LNPK: variants seen among roughly 807,000 people sequenced by gnomAD.
LNPK encodes lunapark, ER junction formation factor.
In LNPK, 29 loss-of-function variants were observed where a neutral mutation model predicts 55.2. That is an observed-to-expected ratio of 0.53 (90% confidence interval 0.39 to 0.72). LNPK has a LOEUF of 0.72. Among genes scored for constraint, LNPK ranks in the 30% least tolerant of loss-of-function variants. The pLI, the probability that LNPK is intolerant of heterozygous loss-of-function variation, is 0.00. For synonymous variants in LNPK, 162 were observed against 168.2 expected, an observed-to-expected ratio of 0.96 and a Z score of 0.29; for missense variants, 467 against 494.8, an observed-to-expected ratio of 0.94 and a Z score of 0.53.
chr2:175,991,029 T>C (rs73978129), intron 4 of LNPK, among the ~76,000 whole-genome samples: 20,495 of 152,192 alleles, frequency 0.13, 1,754 homozygotes, highest in Non-Finnish European at 0.2. Context: ...AAAAAACTGT[T>C]ATGAATCATA....
intron 9 of LNPK, among the ~76,000 whole-genome samples, chr2:175,942,475 A>T (rs904224228): frequency 2.0e-5 from 3 of 152,184 alleles, no homozygotes; most frequent in African/African-American, 7.2e-5. Flanking sequence ...AGATTCACGT[A>T]ACACAATGTA....
At chr2:175,980,221 C>G (rs891624007) in intron 4 of LNPK, among the ~76,000 whole-genome samples, 1 of 152,178 alleles carries the variant, frequency 6.6e-6, no homozygotes, top group Admixed American at 6.5e-5. Context: ...AAGTAAGCAT[C>G]AATTCCAAAA....
intron 6 of LNPK, among the ~76,000 whole-genome samples, chr2:175,967,131 G>A (rs113670476): frequency 0.016 from 2,508 of 152,154 alleles, 66 homozygotes; most frequent in South Asian, 0.074. Flanking sequence ...AAACAAATTC[G>A]TAAACTTTAA....
At chr2:175,968,077 A>G (rs534270918) in intron 6 of LNPK, among the ~76,000 whole-genome samples, 5 of 152,306 alleles carry the variant, frequency 3.3e-5, no homozygotes, top group African/African-American at 1.2e-4. Flanking sequence ...AGAGTGCCAT[A>G]AATGCCCACA....
intron 8 of LNPK, among the ~76,000 whole-genome samples, chr2:175,955,395 T>A (rs979252830): frequency 9.9e-5 from 15 of 152,078 alleles, no homozygotes; most frequent in African/African-American, 3.6e-4. Flanking sequence ...TGATAGTAGA[T>A]CCTCTAGCTC....
chr2:175,930,300 A>G (rs1684212684), intron 12 of LNPK, 101 bp from the exon 13 acceptor site: 2 of 566,284 alleles, frequency 3.5e-6, no homozygotes, highest in African/African-American at 5.2e-5. Context: ...ACACACACAC[A>G]CACACACACA....
At chr2:175,989,452 C>T (rs923301741) in intron 4 of LNPK, among the ~76,000 whole-genome samples, 15 of 151,954 alleles carry the variant, frequency 9.9e-5, no homozygotes, top group Admixed American at 8.5e-4. Context: ...AGTTATAATT[C>T]GTAAAAATAA....
At chr2:175,994,914 A>ATTTTTTTTTTTTTTTTTT (rs35432943) in intron 2 of LNPK, among the ~76,000 whole-genome samples, 1 of 88,494 alleles carries the variant, frequency 1.1e-5, no homozygotes, top group Non-Finnish European at 2.2e-5. Context: ...CTTGTATAGA[A>ATTTTTTTTTTTTTTTTTT]TTTTTTTTTT....
At chr2:175,931,514 T>C (rs535111026) in intron 12 of LNPK, among the ~76,000 whole-genome samples, 2 of 152,206 alleles carry the variant, frequency 1.3e-5, no homozygotes, top group Non-Finnish European at 2.9e-5. Context: ...GACTCTGGCT[T>C]ATATAATTAG....
chr2:175,932,557 A>G (rs1334679212), intron 12 of LNPK, among the ~76,000 whole-genome samples: 5 of 152,178 alleles, frequency 3.3e-5, no homozygotes, highest in African/African-American at 1.2e-4. Flanking sequence ...TAACACTACA[A>G]AAAATTGGTA....
At chr2:175,964,347 C>T in intron 8 of LNPK, 25 bp downstream of exon 8, 1 of 1,600,606 alleles carries the variant, frequency 6.2e-7, no homozygotes, top group Non-Finnish European at 8.6e-7. Flanking sequence ...CCAACAGCAG[C>T]AGCAGTTTCT....
In LNPK at chr2:175,973,317, G is replaced by A. The variant is rs374236469; in HGVS notation, c.317-2513C>T. Among the ~76,000 whole-genome samples the A allele has an allele frequency of 2.3e-3, 349 of 152,290 alleles. 2 individuals carry two copies. Among genetic ancestry groups the A allele is most frequent in the Middle Eastern group, 0.01 (3 of 294 alleles). On this transcript the variant is annotated intron_variant, in intron 5 of 12. Coordinates refer to ENST00000272748, the MANE Select transcript of LNPK (RefSeq NM_030650.3). ...TTTGCCATTGCTAAGCCATCAAACT[G>A]CTGTGAGGCAAGTCAAGATAGCTTC... is the stretch of plus-strand genomic sequence containing the variant.
rs71004250 is a variant in LNPK, at chr2:175,941,267, ATATATTTATATTTATATT to A, written c.707-1628_707-1611del. The stretch of plus-strand genomic sequence containing the variant: ...CCACAGAACAGTCTCAAGCAGCCTA[ATATATTTATATTTATATT>A]TATATTTATATTTATATTTATATAT... On this transcript the variant is annotated intron_variant, in intron 9 of 12. Transcript: ENST00000272748. Among the ~76,000 whole-genome samples, 397 of 144,086 alleles carry A rather than the reference ATATATTTATATTTATATT, an allele frequency of 2.8e-3. 3 individuals are homozygous for A. The highest frequency in any genetic ancestry group is 8.0e-3 in the Admixed American group (114 of 14,238). 94.5% of individuals were successfully genotyped at this position (144,086 alleles called of 152,430 possible).
At chr2:175,965,810 A>C (rs1398967386) in intron 6 of LNPK, among the ~76,000 whole-genome samples, 2 of 152,202 alleles carry the variant, frequency 1.3e-5, no homozygotes, top group Admixed American at 6.5e-5. Flanking sequence ...AGAAAAAAAA[A>C]AACTAGGAAC....
chr2:175,935,389 T>TAC, intron 12 of LNPK, among the ~76,000 whole-genome samples: 1 of 152,316 alleles, frequency 6.6e-6, no homozygotes, highest in East Asian at 1.9e-4. Context: ...TAGTTCAATA[T>TAC]ACTCATAAGC....
At chr2:175,937,211 A>G (rs1684590028) in intron 12 of LNPK, 133 bp downstream of exon 12, 1 of 770,488 alleles carries the variant, frequency 1.3e-6, no homozygotes, top group South Asian at 2.0e-5. Flanking sequence ...GGCTATGGTA[A>G]CAGAGCCGTA....
Position 175,929,321 on chromosome 2 carries a change from A to T in LNPK, c.*646T>A. 1 of 985,420 alleles carries T rather than the reference A, an allele frequency of 1.0e-6. No homozygotes were observed. The highest frequency in any genetic ancestry group is 1.2e-6 in the Non-Finnish European group (1 of 829,524). 61.0% of individuals were successfully genotyped at this position (985,420 alleles called of 1,614,324 possible). A position where few individuals can be genotyped will look rare whatever the true frequency, so the allele number is the denominator to read the frequency against. ...TTGGCCCAGTTGTAAAATAAAAGAC[A>T]TCAAAAAGAAACACTGCAGTTGACT... On this transcript the variant is annotated 3_prime_UTR_variant, in exon 13 of 13. Coordinates refer to ENST00000272748, the MANE Select transcript of LNPK (RefSeq NM_030650.3).
At chr2:175,947,401 A>G in intron 9 of LNPK, 79 bp downstream of exon 9, 1 of 1,167,552 alleles carries the variant, frequency 8.6e-7, no homozygotes, top group South Asian at 1.4e-5. Flanking sequence ...CCATTTCCAT[A>G]CCACCTGAAA....
At chr2:175,936,881 AG>A (rs775702340) in intron 12 of LNPK, among the ~76,000 whole-genome samples, 1 of 152,208 alleles carries the variant, frequency 6.6e-6, no homozygotes, top group Non-Finnish European at 1.5e-5. Context: ...AAAAAATGCA[AG>A]GATAACTTTA....
Sources: gnomAD v4.1 joint callset for allele counts (sites outside exome capture counted in the v4.1 genomes callset) on GRCh38, gnomAD v4.1.1 for gene constraint, MANE v1.5 for transcripts, NCBI Gene and HGNC (gene_info 2026-07-23, HGNC 2026-07-21) for gene names.